The following VWDE variants were observed in gnomAD, a reference collection of about 807,000 sequenced individuals.
VWDE encodes von Willebrand factor D and EGF domain-containing protein.
A neutral mutation model predicts 178.4 loss-of-function variants in VWDE; 207 were observed. The observed-to-expected ratio is 1.16, with a 90% CI of 1.04 to 1.30. The LOEUF (loss-of-function observed/expected upper bound fraction) is 1.30, where lower values mean the gene tolerates loss of function less well. VWDE is among the 50% of genes most tolerant of loss of function. VWDE has a pLI of 0.00. For synonymous variants in VWDE, 738 were observed against 651.4 expected, an observed-to-expected ratio of 1.13 and a Z score of -2.02; for missense variants, 2,287 against 1,901.3, an observed-to-expected ratio of 1.20 and a Z score of -3.77.
intron 27 of VWDE, 46 bp from the exon 28 acceptor site, chr7:12,333,614 GCT>G: frequency 4.6e-6 from 6 of 1,314,452 alleles, no homozygotes; most frequent in Non-Finnish European, 6.4e-6. Flanking sequence ...GACATGAAAT[GCT>G]TGTGGCATAT....
chr7:12,373,211 A>G lies in VWDE; in HGVS notation c.1353T>C (p.Leu451=). The G allele has an allele frequency of 1.9e-6, 3 of 1,551,360 alleles. No individual in the cohort carries two copies. The highest frequency in any genetic ancestry group is 1.7e-6 in the Non-Finnish European group (2 of 1,146,740). Residue 451 remains leucine (L), a synonymous_variant, in exon 10 of 29, where the codon CTT becomes CTC. Transcript: ENST00000275358. ...CAAAATCACGTGACATACTCTTATA[A>G]AGCACAAATGTTCCAGTCTTGAAAT... is the stretch of plus-strand genomic sequence containing the variant. ...YDNFKTGTFV[L]YKSMSRDFEV...
Position 12,403,663 on chromosome 7 carries a change from C to T in VWDE, c.54G>A (p.Gly18=). The T allele has an allele frequency of 2.6e-6, 4 of 1,544,366 alleles. No homozygotes were observed. Among genetic ancestry groups the T allele is most frequent in the Non-Finnish European group, 3.5e-6 (4 of 1,145,588 alleles). The part of the protein sequence containing the change: ...LVIALMFLAW[G]EAQECSPGGH... ...CGCGCGCCCTACCTCGCTTACCTTC[C>T]CCCCAGGCCAGGAACATCAGCGCGA... Residue 18 remains glycine (G), a synonymous_variant, in exon 1 of 29, where the codon GGG becomes GGA. Coordinates refer to ENST00000275358, the MANE Select transcript of VWDE (RefSeq NM_001135924.3).
chr7:12,396,022 C>T (rs544774726), intron 1 of VWDE, among the ~76,000 whole-genome samples: 1 of 152,056 alleles, frequency 6.6e-6, no homozygotes, highest in African/African-American at 2.4e-5. Context: ...ATGTATACTT[C>T]CATTTATCCT....
intron 15 of VWDE, among the ~76,000 whole-genome samples, chr7:12,359,998 C>T (rs1471328182): frequency 1.3e-5 from 2 of 152,042 alleles, no homozygotes; most frequent in Non-Finnish European, 2.9e-5. Context: ...CTAAACTCAT[C>T]CTAGGAGTGC....
At chr7:12,347,919 G>A (rs561578669) in intron 19 of VWDE, among the ~76,000 whole-genome samples, 2,691 of 151,904 alleles carry the variant, frequency 0.018, 75 homozygotes, top group African/African-American at 0.06. Flanking sequence ...AAATAACGCC[G>A]CGTATCTACA....
At chr7:12,334,355 A>T (rs1213068432) in intron 27 of VWDE, among the ~76,000 whole-genome samples, 1 of 152,192 alleles carries the variant, frequency 6.6e-6, no homozygotes, top group Non-Finnish European at 1.5e-5. Context: ...TATATATAAT[A>T]GTTATTTTTA....
chr7:12,382,892 T>C (rs1405826659), intron 4 of VWDE, among the ~76,000 whole-genome samples: 1 of 151,814 alleles, frequency 6.6e-6, no homozygotes, highest in Non-Finnish European at 1.5e-5. Context: ...GAAAAAACTT[T>C]AAAATATTTA....
intron 19 of VWDE, among the ~76,000 whole-genome samples, chr7:12,347,100 A>T (rs1781647895): frequency 6.6e-6 from 1 of 152,154 alleles, no homozygotes; most frequent in South Asian, 2.1e-4. Flanking sequence ...GTTGTGTCAA[A>T]AAATACAGCA....
Position 12,351,662 on chromosome 7 carries a change from C to T in VWDE, c.3797G>A (p.Arg1266Lys). ...TTCTTTATTTACACTTTTATCAGAT[C>T]TTGTGAGAACCACAGTTTGTGTAGT... Reference protein sequence around the residue: ...QFTTQTVVLTRSDKSVNKEED... With the variant: ...QFTTQTVVLTKSDKSVNKEED... Residue 1266 changes from arginine to lysine, a missense_variant, in exon 19 of 29, where the codon AGA becomes AAA. Transcript: ENST00000275358. 1 of 1,549,952 alleles carries T rather than the reference C, an allele frequency of 6.5e-7. No individual in the cohort carries two copies. The highest frequency in any genetic ancestry group is 8.7e-7 in the Non-Finnish European group (1 of 1,146,236).
In VWDE at chr7:12,372,987, C is replaced by A; in HGVS notation, c.1577G>T (p.Arg526Ile). The A allele has an allele frequency of 6.4e-7, 1 of 1,550,908 alleles. No individual in the cohort carries two copies. The highest frequency in any genetic ancestry group is 8.7e-7 in the Non-Finnish European group (1 of 1,146,534). ...NIKISESYLG[R>I]KVTIWFSSGA... ...AAGAATCATACATACTGTGACTTTT[C>A]TTCCTAAGTAAGATTCACTTATCTT... is the stretch of plus-strand genomic sequence containing the variant. Residue 526 changes from arginine to isoleucine, a missense_variant, in exon 10 of 29, where the codon AGA (arginine) becomes ATA (isoleucine). Physicochemically the swap from Arg to Ile is moderately conservative, Grantham distance 97. Coordinates refer to ENST00000275358, the MANE Select transcript of VWDE (RefSeq NM_001135924.3).
At chr7:12,336,865 TA>T in intron 26 of VWDE, 122 bp downstream of exon 26, 2 of 892,222 alleles carry the variant, frequency 2.2e-6, no homozygotes, top group Non-Finnish European at 3.4e-6. Flanking sequence ...AAAGCAAGAA[TA>T]AATATGCAAA....
At position 12,344,288 on chromosome 7, in the gene VWDE, G is replaced by A. The variant is rs774630565; in HGVS notation, c.3985C>T (p.Leu1329Phe). The A allele has an allele frequency of 1.2e-5, 18 of 1,550,932 alleles. No homozygotes were observed. Among genetic ancestry groups the A allele is most frequent in the Non-Finnish European group, 1.5e-5 (17 of 1,146,540 alleles). The change falls in exon 21 of 29, where the codon CTT (leucine) becomes TTT (phenylalanine). Residue 1329 changes from leucine (L) to phenylalanine (F), a missense_variant and splice_region_variant. Coordinates refer to ENST00000275358, the MANE Select transcript of VWDE (RefSeq NM_001135924.3). ...GYIGSNCQTA[L>F]CDPDCKNHGK... is the part of the protein sequence containing the mutation. ...TGGTTTTTGCAATCAGGGTCACAAA[G>A]AGCTGTATAAAATAAAGCCCAAGTT... is the stretch of plus-strand genomic sequence containing the variant.
intron 13 of VWDE, among the ~76,000 whole-genome samples, chr7:12,365,142 G>C (rs1395506822): frequency 6.6e-6 from 1 of 152,032 alleles, no homozygotes; most frequent in Admixed American, 6.6e-5. Flanking sequence ...ATACGAAAGA[G>C]ACTGAAGAAA....
At chr7:12,389,962 A>G (rs930451707) in intron 2 of VWDE, among the ~76,000 whole-genome samples, 2 of 152,188 alleles carry the variant, frequency 1.3e-5, no homozygotes, top group Non-Finnish European at 2.9e-5. Context: ...CAGGAGATCG[A>G]GACTATCCTG....
chr7:12,400,088 T>G (rs6966791), intron 1 of VWDE, among the ~76,000 whole-genome samples: 4 of 152,048 alleles, frequency 2.6e-5, no homozygotes, highest in African/African-American at 9.7e-5. Flanking sequence ...TAGAGGGACA[T>G]GTATAGACAG....
chr7:12,390,164 C>CAA (rs200320227), intron 2 of VWDE, among the ~76,000 whole-genome samples: 53 of 105,714 alleles, frequency 5.0e-4, no homozygotes, highest in East Asian at 1.6e-3. Context: ...GACTCCATCT[C>CAA]AAAAAAAAAA....
intron 1 of VWDE, among the ~76,000 whole-genome samples, chr7:12,402,997 C>A (rs1006243776): frequency 2.0e-5 from 3 of 151,902 alleles, no homozygotes; most frequent in Non-Finnish European, 4.4e-5. Flanking sequence ...ACACAAAAAA[C>A]AAGCAAAAAG....
At chr7:12,336,376 T>A (rs1781031442) in intron 26 of VWDE, 140 bp from the exon 27 acceptor site, 1 of 687,772 alleles carries the variant, frequency 1.5e-6, no homozygotes, top group East Asian at 2.9e-5. Context: ...TAATATTTTA[T>A]CAAGAACATT....
chr7:12,367,586 GA>G, intron 12 of VWDE, 93 bp from the exon 13 acceptor site: 4 of 1,104,398 alleles, frequency 3.6e-6, no homozygotes, highest in Non-Finnish European at 5.0e-6. Context: ...AAAGCATATG[GA>G]AAATAATATT....
Sources: allele counts gnomAD v4.1 joint callset (sites outside exome capture counted in the v4.1 genomes callset), GRCh38; gene constraint gnomAD v4.1.1; transcripts MANE v1.5; gene names NCBI Gene and HGNC (gene_info 2026-07-23, HGNC 2026-07-21).